SLC28A2: variants seen among roughly 807,000 people sequenced by gnomAD.
SLC28A2 encodes the protein solute carrier family 28 member 2.
A neutral mutation model predicts 72.9 loss-of-function variants in SLC28A2; 69 were observed. The observed-to-expected ratio is 0.95, with a 90% CI of 0.78 to 1.16. The LOEUF (loss-of-function observed/expected upper bound fraction) is 1.16. SLC28A2 is among the 50% of genes most tolerant of loss of function. The pLI is 0.00. For synonymous variants in SLC28A2, 296 were observed against 294.1 expected (o/e 1.01, Z -0.07); for missense variants, 745 against 791.1 (o/e 0.94, Z 0.70).
chr15:45,259,975 A>T (rs1900101018), intron 3 of SLC28A2, among the ~76,000 whole-genome samples: 2 of 152,210 alleles, frequency 1.3e-5, no homozygotes, highest in Admixed American at 1.3e-4. Context: ...AACTAGCTTT[A>T]TCTAGTACAT....
rs1900242221 is a variant in SLC28A2 at position 45,263,934 on chromosome 15, C to T, written c.500C>T (p.Thr167Ile). 6.2e-7 allele frequency: 1 copy of T among 1,613,544 alleles called. No homozygotes were observed. The highest frequency in any genetic ancestry group is 8.5e-7 in the Non-Finnish European group (1 of 1,179,654). Residue 167 changes from threonine (T) to isoleucine (I), a missense_variant, in exon 6 of 18, where the codon ACA (threonine) becomes ATA (isoleucine). Physicochemically the swap from Thr to Ile is moderately conservative, Grantham distance 89. Transcript: ENST00000347644. ...CTTATACTGTGGTTGGCTTTAGACA[C>T]AGCCCAAAGGCCAGAGCAGCTGATC... is the stretch of plus-strand genomic sequence containing the variant. ...VGLILWLALD[T>I]AQRPEQLIPF...
chr15:45,258,856 T>C (rs1039860514), intron 3 of SLC28A2, among the ~76,000 whole-genome samples: 17 of 152,220 alleles, frequency 1.1e-4, no homozygotes, highest in Non-Finnish European at 2.2e-4. Flanking sequence ...ACTGGGTATA[T>C]ACTTTGGAGT....
chr15:45,271,026 A>G (rs1900541060), intron 15 of SLC28A2, among the ~76,000 whole-genome samples: 1 of 152,240 alleles, frequency 6.6e-6, no homozygotes, highest in Admixed American at 6.5e-5. Flanking sequence ...AAACAAATAA[A>G]AGCAGCAGGC....
chr15:45,269,678 C>G (rs960570923), intron 14 of SLC28A2, 143 bp downstream of exon 14: 20 of 676,082 alleles, frequency 3.0e-5, no homozygotes, highest in Non-Finnish European at 5.2e-5. Context: ...GCCAGCAGAA[C>G]AGCCTACCTA....
At position 45,277,076 on chromosome 15, in the gene SLC28A2, G is replaced by A. The variant is rs1202649136; in HGVS notation, c.*1563G>A. ...GGAGGATGCTACTGACATCTAGTGA[G>A]TAGAGGCCAATATTGCTACTAAAAT... On this transcript the variant is annotated 3_prime_UTR_variant, in exon 18 of 18. Coordinates refer to ENST00000347644, the MANE Select transcript of SLC28A2 (RefSeq NM_004212.4). 6.6e-6 allele frequency: 1 copy of A among 152,052 alleles called. No homozygotes were observed. Among genetic ancestry groups the A allele is most frequent in the Non-Finnish European group, 1.5e-5 (1 of 68,016 alleles). 9.4% of individuals were successfully genotyped at this position (152,052 alleles called of 1,614,324 possible).
In SLC28A2 at chr15:45,269,287, C is replaced by T. The variant is rs771481341; in HGVS notation, c.1369-51C>T. On this transcript the variant is annotated intron_variant, in intron 13 of 17. Coordinates refer to ENST00000347644, the MANE Select transcript of SLC28A2 (RefSeq NM_004212.4). The stretch of plus-strand genomic sequence containing the variant: ...TCCAGAGAAGGTCCTTGGCACCTGA[C>T]CTTTGTTATATTAGTCCTTCCTTTT... 56 of 1,504,396 alleles carry T rather than the reference C, an allele frequency of 3.7e-5. 1 individual carries two copies. In the South Asian group the frequency reaches 5.6e-4, roughly 15 times the overall value. The allele number at this position is 1,504,396 out of a possible 1,614,324, so 93.2% of individuals were successfully genotyped here. A position where few individuals can be genotyped will look rare whatever the true frequency, so the allele number is the denominator to read the frequency against.
At chr15:45,264,435 AACCTCTAG>A (rs1189098862) in intron 6 of SLC28A2, among the ~76,000 whole-genome samples, 1 of 152,224 alleles carries the variant, frequency 6.6e-6, no homozygotes, top group Non-Finnish European at 1.5e-5. Context: ...AGTGTCATCT[AACCTCTAG>A]ACACATTTTT....
Position 45,267,524 on chromosome 15 carries a change from A to C in SLC28A2, c.1012A>C (p.Thr338Pro). Residue 338 changes from threonine to proline, a missense_variant, in exon 11 of 18, where the codon ACT becomes CCT. Physicochemically the swap from Thr to Pro is conservative, Grantham distance 38. Coordinates refer to ENST00000347644, the MANE Select transcript of SLC28A2 (RefSeq NM_004212.4). ...MTLSEIHAVM[T>P]GGFATISGTV... ...ACTCTCTGAAATCCATGCGGTGATG[A>C]CTGGAGGGTTTGCCACCATTTCTGG... The C allele has an allele frequency of 1.2e-6, 2 of 1,614,146 alleles. No individual in the cohort carries two copies. Among genetic ancestry groups the C allele is most frequent in the Non-Finnish European group, 1.7e-6 (2 of 1,180,018 alleles).
intron 15 of SLC28A2, 39 bp from the exon 16 acceptor site, chr15:45,272,256 T>C: frequency 2.6e-6 from 4 of 1,565,268 alleles, no homozygotes; most frequent in Non-Finnish European, 1.8e-6. Context: ...ATTGCCTTGG[T>C]GGGGAAAAGC....
At chr15:45,275,371 G>A (rs765939292) in intron 17 of SLC28A2, 25 bp from the exon 18 acceptor site, 4 of 1,369,028 alleles carry the variant, frequency 2.9e-6, no homozygotes, top group East Asian at 2.3e-5. Flanking sequence ...GACCCCTTAT[G>A]TACCTCTCTG....
chr15:45,253,977 G>C (rs1040214329), intron 3 of SLC28A2: 5 of 155,338 alleles, frequency 3.2e-5, no homozygotes, highest in African/African-American at 1.2e-4. Context: ...GGATAATAAA[G>C]ACAGTAAAAA....
chr15:45,257,237 TCTC>T (rs1158562714), intron 3 of SLC28A2, among the ~76,000 whole-genome samples: 2 of 152,128 alleles, frequency 1.3e-5, no homozygotes, highest in Non-Finnish European at 2.9e-5. Context: ...TGATGCTGCC[TCTC>T]CTCCCCTCAA....
chr15:45,258,847 C>G (rs11632777), intron 3 of SLC28A2, among the ~76,000 whole-genome samples: 1 of 151,792 alleles, frequency 6.6e-6, no homozygotes, highest in African/African-American at 2.4e-5. Flanking sequence ...CACCTTTCTA[C>G]TGGGTATATA....
intron 1 of SLC28A2, among the ~76,000 whole-genome samples, chr15:45,252,687 C>G (rs183867234): frequency 6.6e-6 from 1 of 152,206 alleles, no homozygotes; most frequent in African/African-American, 2.4e-5. Context: ...GCATAAAAAA[C>G]CAATTCTTAT....
chr15:45,252,426 T>G, intron 1 of SLC28A2, 148 bp downstream of exon 1: 1 of 383,094 alleles, frequency 2.6e-6, no homozygotes, highest in South Asian at 2.0e-5. Context: ...TTAATGAAAT[T>G]ATACTTCAAA....
Position 45,270,221 on chromosome 15 carries a change from T to C in SLC28A2, c.1593T>C (p.Phe531=), listed in dbSNP as rs1567061980. 2 of 1,613,852 alleles carry C rather than the reference T, an allele frequency of 1.2e-6. No homozygotes were observed. Among genetic ancestry groups the C allele is most frequent in the Non-Finnish European group, 1.7e-6 (2 of 1,179,674 alleles). ...TGAGAGCTGAAATCATTACAACATT[T>C]TCACTCTGTGGATTTGCCAATCTTA... is the stretch of plus-strand genomic sequence containing the variant. ...ISVRAEIITT[F]SLCGFANLSS... The change falls in exon 15 of 18, where the codon TTT becomes TTC. Residue 531 remains phenylalanine, a synonymous_variant. Transcript: ENST00000347644.
At chr15:45,272,530 G>A (rs1485776492) in intron 16 of SLC28A2, 137 bp downstream of exon 16, 2 of 833,114 alleles carry the variant, frequency 2.4e-6, no homozygotes, top group Non-Finnish European at 3.9e-6. Flanking sequence ...CTGTCTTTCA[G>A]AATATTGATT....
At chr15:45,259,229 T>C (rs1461487078) in intron 3 of SLC28A2, among the ~76,000 whole-genome samples, 1 of 152,228 alleles carries the variant, frequency 6.6e-6, no homozygotes, top group East Asian at 1.9e-4. Flanking sequence ...AAAACTAGTA[T>C]GTAAGGTAAT....
intron 3 of SLC28A2, among the ~76,000 whole-genome samples, chr15:45,261,345 T>TTC (rs34506049): frequency 0.72 from 109,658 of 151,976 alleles, 40,820 homozygotes; most frequent in Middle Eastern, 0.78. Context: ...GTTATTTAAC[T>TTC]TCTGTTTTTC....
Sources: gnomAD v4.1 joint callset for allele counts (sites outside exome capture counted in the v4.1 genomes callset) on GRCh38, gnomAD v4.1.1 for gene constraint, MANE v1.5 for transcripts, NCBI Gene and HGNC (gene_info 2026-07-23, HGNC 2026-07-21) for gene names.